The following GALNT13 variants were observed in gnomAD, a reference collection of about 807,000 sequenced individuals.
The protein encoded by GALNT13 is polypeptide N-acetylgalactosaminyltransferase 13.
GALNT13 carries 28 observed loss-of-function variants against 64.2 expected under a neutral mutation model. That is an observed-to-expected ratio of 0.44 (90% confidence interval 0.32 to 0.60). The LOEUF (loss-of-function observed/expected upper bound fraction) is 0.60, where lower values mean the gene tolerates loss of function less well. Among genes scored for constraint, GALNT13 ranks in the 20% least tolerant of loss-of-function variants. GALNT13 has a pLI of 0.05. For synonymous variants in GALNT13, 214 were observed against 224.6 expected (o/e 0.95, Z 0.42); for missense variants, 577 against 669.8 (o/e 0.86, Z 1.53).
chr2:153,711,529 G>T, the GALNT13 span, among the ~76,000 whole-genome samples: 1 of 152,152 alleles, frequency 6.6e-6, no homozygotes, highest in Non-Finnish European at 1.5e-5. Context: ...GAAGTTCAGA[G>T]AAGGTAGGAA....
the GALNT13 span, among the ~76,000 whole-genome samples, chr2:153,095,973 C>T: frequency 9.8e-4 from 149 of 152,040 alleles, no homozygotes; most frequent in Middle Eastern, 3.4e-3. Flanking sequence ...CAACATGGCA[C>T]ATGTATAGAT....
chr2:154,213,491 T>C (rs528043836), intron 4 of GALNT13, among the ~76,000 whole-genome samples: 2 of 152,196 alleles, frequency 1.3e-5, no homozygotes, highest in East Asian at 3.9e-4. Context: ...TAAACCATAT[T>C]TATGAAGTCA....
At chr2:154,130,456 C>CT (rs1255318065) in intron 3 of GALNT13, among the ~76,000 whole-genome samples, 5 of 152,074 alleles carry the variant, frequency 3.3e-5, no homozygotes, top group Non-Finnish European at 5.9e-5. Flanking sequence ...AATTAAAATA[C>CT]TTTAGAGTAT....
chr2:153,124,854 T>G, the GALNT13 span, among the ~76,000 whole-genome samples: 1 of 152,328 alleles, frequency 6.6e-6, no homozygotes, highest in East Asian at 1.9e-4. Context: ...GCTTAATAAC[T>G]AGGGCAAACA....
intron 3 of GALNT13, among the ~76,000 whole-genome samples, chr2:154,023,680 T>C (rs1344863791): frequency 6.6e-6 from 1 of 152,234 alleles, no homozygotes; most frequent in African/African-American, 2.4e-5. Context: ...AATTGGAGCA[T>C]TTAGCCCATT....
At chr2:153,809,195 A>G in the GALNT13 span, among the ~76,000 whole-genome samples, 2 of 152,188 alleles carry the variant, frequency 1.3e-5, no homozygotes, top group Non-Finnish European at 2.9e-5. Flanking sequence ...TTGTCTTTTT[A>G]TCATCGAATC....
chr2:154,152,263 C>A (rs1684085298), intron 4 of GALNT13, among the ~76,000 whole-genome samples: 2 of 152,152 alleles, frequency 1.3e-5, no homozygotes, highest in Non-Finnish European at 2.9e-5. Flanking sequence ...TTGGCCCCCA[C>A]TCTCTTCTGG....
At chr2:153,424,323 T>G in the GALNT13 span, among the ~76,000 whole-genome samples, 2 of 151,662 alleles carry the variant, frequency 1.3e-5, no homozygotes, top group African/African-American at 4.8e-5. Flanking sequence ...CCTATATTTC[T>G]TAAGCAAATT....
chr2:153,815,284 A>T, the GALNT13 span, among the ~76,000 whole-genome samples: 3 of 152,308 alleles, frequency 2.0e-5, no homozygotes, highest in African/African-American at 7.2e-5. Context: ...CTGGTGATCA[A>T]ACAAAATCTT....
At chr2:153,560,876 T>C in the GALNT13 span, among the ~76,000 whole-genome samples, 1 of 152,126 alleles carries the variant, frequency 6.6e-6, no homozygotes, top group Admixed American at 6.5e-5. Context: ...TTTATTTGAA[T>C]TAATTACATT....
chr2:154,154,064 G>A (rs545588844), intron 4 of GALNT13, among the ~76,000 whole-genome samples: 1 of 152,162 alleles, frequency 6.6e-6, no homozygotes, highest in Admixed American at 6.5e-5. Context: ...GTTCCTATTC[G>A]GCCATCTTGG....
intron 4 of GALNT13, among the ~76,000 whole-genome samples, chr2:154,226,331 A>G (rs770417191): frequency 8.5e-5 from 13 of 152,118 alleles, no homozygotes; most frequent in Admixed American, 5.9e-4. Context: ...GTCAACTTCT[A>G]TGATGCACTA....
the GALNT13 span, among the ~76,000 whole-genome samples, chr2:153,402,544 C>T: frequency 2.0e-5 from 3 of 151,770 alleles, no homozygotes; most frequent in Non-Finnish European, 4.4e-5. Context: ...GTTCCATTCT[C>T]CCCATCACTT....
At chr2:153,967,366 C>T (rs1693442322) in intron 3 of GALNT13, among the ~76,000 whole-genome samples, 1 of 152,130 alleles carries the variant, frequency 6.6e-6, no homozygotes, top group Non-Finnish European at 1.5e-5. Flanking sequence ...TGTACTCATC[C>T]TTCTTTAGAG....
chr2:154,180,526 A>AT (rs1685900064), intron 4 of GALNT13, among the ~76,000 whole-genome samples: 1 of 147,954 alleles, frequency 6.8e-6, no homozygotes, highest in South Asian at 2.2e-4. Flanking sequence ...AAAAAAATAG[A>AT]TTTGTTTTTT....
At chr2:153,198,320 A>T in the GALNT13 span, among the ~76,000 whole-genome samples, 1 of 152,080 alleles carries the variant, frequency 6.6e-6, no homozygotes, top group East Asian at 1.9e-4. Flanking sequence ...GGAGTTGAGG[A>T]ACTCTTCCAT....
At chr2:153,794,847 C>G in the GALNT13 span, among the ~76,000 whole-genome samples, 2 of 152,056 alleles carry the variant, frequency 1.3e-5, no homozygotes, top group Non-Finnish European at 2.9e-5. Flanking sequence ...TGTGATACTT[C>G]AGAAATTTTT....
At chr2:153,127,532 C>G in the GALNT13 span, among the ~76,000 whole-genome samples, 1 of 100,128 alleles carries the variant, frequency 1.0e-5, no homozygotes, top group Non-Finnish European at 2.3e-5. Flanking sequence ...TTACCTGTTA[C>G]TCTTCCGAGG....
the GALNT13 span, among the ~76,000 whole-genome samples, chr2:153,268,411 T>A: frequency 6.6e-6 from 1 of 152,316 alleles, no homozygotes; most frequent in African/African-American, 2.4e-5. Context: ...TGAGCTCCCA[T>A]GGCCTTGGAA....
Sources: gnomAD v4.1 joint callset for allele counts (sites outside exome capture counted in the v4.1 genomes callset) on GRCh38, gnomAD v4.1.1 for gene constraint, MANE v1.5 for transcripts, NCBI Gene and HGNC (gene_info 2026-07-23, HGNC 2026-07-21) for gene names.